CCDC192: variants seen among roughly 807,000 people sequenced by gnomAD.
CCDC192 encodes the protein coiled-coil domain-containing protein 192.
At chr5:127,702,910 A>G (rs529216104), upstream of CCDC192, among the ~76,000 whole-genome samples, 2 of 152,228 alleles carry the variant, frequency 1.3e-5, no homozygotes, top group African/African-American at 2.4e-5. Context: ...ATCAGGCACA[A>G]TGAATCACTT....
chr5:127,938,537 GC>G (rs1460310413), intron 6 of CCDC192, among the ~76,000 whole-genome samples: 1 of 152,136 alleles, frequency 6.6e-6, no homozygotes, highest in Non-Finnish European at 1.5e-5. Context: ...TATAATGGGA[GC>G]CACAAATGCA....
intron 2 of CCDC192, among the ~76,000 whole-genome samples, chr5:127,715,630 T>C (rs1751585166): frequency 6.6e-6 from 1 of 152,236 alleles, no homozygotes; most frequent in African/African-American, 2.4e-5. Flanking sequence ...ATACCATTGG[T>C]ATTTTGATAG....
intron 5 of CCDC192, among the ~76,000 whole-genome samples, chr5:127,861,070 G>A (rs937537528): frequency 1.1e-4 from 17 of 151,976 alleles, no homozygotes; most frequent in East Asian, 3.9e-4. Flanking sequence ...ATGCAATGGC[G>A]CAATCTTGGC....
intron 3 of CCDC192, among the ~76,000 whole-genome samples, chr5:127,774,002 C>T (rs994374388): frequency 2.6e-5 from 4 of 152,132 alleles, no homozygotes; most frequent in African/African-American, 9.7e-5. Context: ...TTTGTACTAC[C>T]TTAACGACTA....
chr5:127,845,441 G>A (rs1750489883), intron 5 of CCDC192, among the ~76,000 whole-genome samples: 1 of 152,178 alleles, frequency 6.6e-6, no homozygotes, highest in Admixed American at 6.5e-5. Flanking sequence ...GGAGAGAGTT[G>A]AAGTAATAGG....
intron 6 of CCDC192, among the ~76,000 whole-genome samples, chr5:127,878,740 A>C (rs929250874): frequency 2.6e-5 from 4 of 151,458 alleles, no homozygotes; most frequent in Admixed American, 2.6e-4. Flanking sequence ...CAATTCTGTG[A>C]AGAAAGTCAT....
intron 2 of CCDC192, among the ~76,000 whole-genome samples, chr5:127,718,858 G>A (rs943294214): frequency 6.6e-6 from 1 of 151,758 alleles, no homozygotes; most frequent in Non-Finnish European, 1.5e-5. Flanking sequence ...AGGATAAATG[G>A]GTACCCATCA....
At chr5:127,928,503 C>T (rs1753926704) in intron 6 of CCDC192, among the ~76,000 whole-genome samples, 1 of 152,198 alleles carries the variant, frequency 6.6e-6, no homozygotes, top group South Asian at 2.1e-4. Context: ...CCCAGATAAT[C>T]CAAGACAATC....
At chr5:127,919,055 G>A (rs200152318) in intron 6 of CCDC192, among the ~76,000 whole-genome samples, 3 of 146,214 alleles carry the variant, frequency 2.1e-5, no homozygotes, top group African/African-American at 2.6e-5. Flanking sequence ...ATCTGTGTGT[G>A]TATGTGTGTG....
chr5:127,704,089 T>A (rs1400177478), intron 1 of CCDC192, among the ~76,000 whole-genome samples: 1 of 152,232 alleles, frequency 6.6e-6, no homozygotes, highest in African/African-American at 2.4e-5. Flanking sequence ...AAATCTTGAG[T>A]GAGAGGTGGC....
At chr5:127,728,743 C>T (rs1183500264) in intron 2 of CCDC192, among the ~76,000 whole-genome samples, 1 of 152,138 alleles carries the variant, frequency 6.6e-6, no homozygotes, top group Admixed American at 6.5e-5. Flanking sequence ...TTAAAAGACA[C>T]AGAATGGCAG....
At chr5:127,792,825 GA>G (rs397882127) in intron 3 of CCDC192, among the ~76,000 whole-genome samples, 6 of 140,068 alleles carry the variant, frequency 4.3e-5, no homozygotes, top group East Asian at 1.9e-4. Flanking sequence ...AGAAGAAGAA[GA>G]AGGAGGAGGA....
intron 6 of CCDC192, among the ~76,000 whole-genome samples, chr5:127,929,907 C>T (rs1449828857): frequency 2.0e-5 from 3 of 152,002 alleles, no homozygotes; most frequent in Non-Finnish European, 4.4e-5. Flanking sequence ...ACATGCAGTC[C>T]AAAAGATGGA....
At chr5:127,764,536 C>T (rs1376085452) in intron 3 of CCDC192, among the ~76,000 whole-genome samples, 4 of 152,122 alleles carry the variant, frequency 2.6e-5, no homozygotes, top group Non-Finnish European at 5.9e-5. Flanking sequence ...TTACCACTTA[C>T]GCTATAGATT....
chr5:127,722,998 G>A (rs746051252), intron 2 of CCDC192, among the ~76,000 whole-genome samples: 7 of 151,906 alleles, frequency 4.6e-5, no homozygotes, highest in Non-Finnish European at 1.0e-4. Flanking sequence ...GAAGAATTTC[G>A]TTGTCATTTT....
At chr5:127,880,805 C>G (rs1752324129) in intron 6 of CCDC192, among the ~76,000 whole-genome samples, 1 of 151,686 alleles carries the variant, frequency 6.6e-6, no homozygotes, top group Admixed American at 6.6e-5. Flanking sequence ...AATGGGGAAA[C>G]CCTATCTCTA....
chr5:127,887,709 T>C (rs1752609110), intron 6 of CCDC192, among the ~76,000 whole-genome samples: 1 of 151,260 alleles, frequency 6.6e-6, no homozygotes, highest in African/African-American at 2.4e-5. Context: ...ATTAACTATT[T>C]TTTTTTTTTT....
At chr5:127,753,368 T>C (rs1465507361) in intron 2 of CCDC192, among the ~76,000 whole-genome samples, 2 of 152,202 alleles carry the variant, frequency 1.3e-5, no homozygotes, top group Admixed American at 1.3e-4. Context: ...CAATTTTGCA[T>C]ACTCTTCAGC....
intron 3 of CCDC192, chr5:127,784,641 T>C (rs1002208488): frequency 4.3e-6 from 3 of 702,830 alleles, no homozygotes; most frequent in Non-Finnish European, 7.4e-6. Context: ...AGGTGTGCTT[T>C]TCACCATCAA....
Sources: gnomAD v4.1 joint callset for allele counts (sites outside exome capture counted in the v4.1 genomes callset) on GRCh38, gnomAD v4.1.1 for gene constraint, MANE v1.5 for transcripts, NCBI Gene and HGNC (gene_info 2026-07-23, HGNC 2026-07-21) for gene names.